The following GPC3 variants were observed in gnomAD, a reference collection of about 807,000 sequenced individuals.
GPC3 encodes glypican 3.
GPC3 carries 3 observed loss-of-function variants against 34.4 expected under a neutral mutation model. The observed-to-expected ratio is 0.09, with a 90% CI of 0.04 to 0.23. The LOEUF (loss-of-function observed/expected upper bound fraction) is 0.23. Ranked by LOEUF, GPC3 falls within the 10% of genes least tolerant of loss-of-function variation. The pLI, the probability that GPC3 is intolerant of heterozygous loss-of-function variation, is 1.00. For missense variants in GPC3, 351 were observed against 445.6 expected (o/e 0.79, Z 1.91); for synonymous variants, 177 against 174.0 (o/e 1.02, Z -0.13).
intron 6 of GPC3, among the ~76,000 whole-genome samples, chrX:133,598,156 C>T (rs956998820): frequency 9.0e-6 from 1 of 111,226 alleles, no homozygotes; most frequent in African/African-American, 3.3e-5. Flanking sequence ...GTGACATAAA[C>T]ATTTCTTTTT....
chrX:133,872,781 C>A (rs927213785), intron 2 of GPC3, among the ~76,000 whole-genome samples: 6 of 111,855 alleles, frequency 5.4e-5, no homozygotes, highest in African/African-American at 1.9e-4. Flanking sequence ...CTGATTCCTG[C>A]AGTCTCAGGC....
In GPC3 at chrX:133,753,751, T is replaced by G. The variant is rs746527435; in HGVS notation, c.763A>C (p.Met255Leu). The G allele has an allele frequency of 8.3e-7, 1 of 1,211,684 alleles. No homozygotes were observed. The highest frequency in any genetic ancestry group is 1.1e-6 in the Non-Finnish European group (1 of 895,313). ...HLKFSKDCGR[M>L]LTRMWYCSYC... ...GAGCAGTACCACATTCTGGTGAGCA[T>G]TCGGCCACAGTCCTTACTGAACTTC... The change falls in exon 3 of 8, where the codon ATG becomes CTG. Residue 255 changes from methionine to leucine, a missense_variant. Transcript: ENST00000370818.
In GPC3 at chrX:133,629,289, G is replaced by A. The variant is rs2070340846; in HGVS notation, c.1413+32441C>T. Among the ~76,000 whole-genome samples, 4 of 111,888 alleles carry A rather than the reference G, an allele frequency of 3.6e-5. No homozygotes were observed. In the South Asian group the frequency reaches 1.5e-3, roughly 42 times the overall value. The stretch of plus-strand genomic sequence containing the variant: ...CACTCTTTGAGTATTGGGGGAAATC[G>A]CTCCACCTCTCTGCTCCTTGGTTTC... On this transcript the variant is annotated intron_variant, in intron 6 of 7. Coordinates refer to ENST00000370818, the MANE Select transcript of GPC3 (RefSeq NM_004484.4).
chrX:133,823,273 G>A (rs1210794567), intron 2 of GPC3, among the ~76,000 whole-genome samples: 2 of 106,729 alleles, frequency 1.9e-5, no homozygotes, highest in African/African-American at 6.8e-5. Flanking sequence ...CATTATTAAA[G>A]TGATGACAAA....
chrX:133,787,318 G>A (rs2072110979), intron 2 of GPC3, among the ~76,000 whole-genome samples: 1 of 112,349 alleles, frequency 8.9e-6, no homozygotes, highest in Non-Finnish European at 1.9e-5. Flanking sequence ...ATTAGCAACA[G>A]CCATCTAAAG....
intron 2 of GPC3, among the ~76,000 whole-genome samples, chrX:133,847,308 TA>T (rs1432188585): frequency 1.8e-5 from 2 of 110,838 alleles, no homozygotes; most frequent in Admixed American, 9.6e-5. Flanking sequence ...GATATCTTTT[TA>T]AAAAAAAATG....
chrX:133,833,587 T>C (rs927562485), intron 2 of GPC3, among the ~76,000 whole-genome samples: 1 of 111,296 alleles, frequency 9.0e-6, no homozygotes, highest in Non-Finnish European at 1.9e-5. Flanking sequence ...CAGTCTAGTA[T>C]GGGAGGGAGA....
rs1285974284 is a variant in GPC3, at chrX:133,535,940, T to C, written c.*184A>G. 7 of 431,802 alleles carry C rather than the reference T, an allele frequency of 1.6e-5. No homozygotes were observed. Among genetic ancestry groups the C allele is most frequent in the Non-Finnish European group, 2.4e-5 (6 of 250,077 alleles). The allele number at this position is 431,802 out of a possible 1,213,427, so 35.6% of individuals were successfully genotyped here. On this transcript the variant is annotated 3_prime_UTR_variant, in exon 8 of 8. Coordinates refer to ENST00000370818, the MANE Select transcript of GPC3 (RefSeq NM_004484.4). ...CTATATGCTACCACTAAAATGTATC[T>C]TCCTCCAAAAGATACCATTTGATTT... is the stretch of plus-strand genomic sequence containing the variant.
At chrX:133,681,928 C>T (rs1322283681) in intron 5 of GPC3, among the ~76,000 whole-genome samples, 1 of 112,135 alleles carries the variant, frequency 8.9e-6, no homozygotes, top group Non-Finnish European at 1.9e-5. Flanking sequence ...ACCAGGGAAA[C>T]GTCAGGACAC....
chrX:133,611,171 C>G, intron 6 of GPC3, among the ~76,000 whole-genome samples: 1 of 107,075 alleles, frequency 9.3e-6, no homozygotes, highest in Non-Finnish European at 1.9e-5. Context: ...CCAAACCTTG[C>G]CAAATAACAG....
intron 7 of GPC3, among the ~76,000 whole-genome samples, chrX:133,577,434 T>G (rs775590323): frequency 4.5e-5 from 5 of 112,032 alleles, no homozygotes; most frequent in Admixed American, 9.5e-5. Context: ...GGTTAATCGT[T>G]AGAAAAAACA....
Position 133,955,050 on chromosome X carries a change from T to C in GPC3, c.176-1839A>G, listed in dbSNP as rs545331091. On this transcript the variant is annotated intron_variant, in intron 1 of 7. Coordinates refer to ENST00000370818, the MANE Select transcript of GPC3 (RefSeq NM_004484.4). Reference sequence around the variant, plus strand: ...AGGCATGAGCCACTGCCAGACTCTTTCTCCAATTAGCATTTGTTGATCTCC... The same window carrying C: ...AGGCATGAGCCACTGCCAGACTCTTCCTCCAATTAGCATTTGTTGATCTCC... 2.7e-5 allele frequency among the ~76,000 whole-genome samples: 3 copies of C among 111,114 alleles called. No individual in the cohort carries two copies. The South Asian group carries it at 1.2e-3, about 43-fold the overall frequency.
chrX:133,941,046 A>C (rs898710974), intron 2 of GPC3, among the ~76,000 whole-genome samples: 5 of 112,553 alleles, frequency 4.4e-5, no homozygotes, highest in Non-Finnish European at 1.9e-5. Flanking sequence ...ATTGCTAGAA[A>C]GAGTACTGTT....
chrX:133,808,879 A>G (rs1255586064), intron 2 of GPC3, among the ~76,000 whole-genome samples: 1 of 112,403 alleles, frequency 8.9e-6, no homozygotes, highest in African/African-American at 3.2e-5. Context: ...CACACATAAT[A>G]AAAAGACAGT....
chrX:133,554,988 G>A (rs1207803646), intron 7 of GPC3, among the ~76,000 whole-genome samples: 1 of 112,491 alleles, frequency 8.9e-6, no homozygotes, highest in African/African-American at 3.2e-5. Context: ...GGGCTCATAT[G>A]ATCCTCCTGC....
At chrX:133,565,337 T>C (rs1429767453) in intron 7 of GPC3, among the ~76,000 whole-genome samples, 1 of 111,958 alleles carries the variant, frequency 8.9e-6, no homozygotes, top group Non-Finnish European at 1.9e-5. Flanking sequence ...GTCACTTCTC[T>C]GCTCAAAAGT....
chrX:133,827,380 TTACA>T (rs1168970109), intron 2 of GPC3, among the ~76,000 whole-genome samples: 10 of 112,224 alleles, frequency 8.9e-5, no homozygotes, highest in African/African-American at 3.2e-4. Context: ...TTAAAAACAA[TTACA>T]TACAGCAAAA....
At chrX:133,859,006 G>A (rs1003833974) in intron 2 of GPC3, among the ~76,000 whole-genome samples, 4 of 107,525 alleles carry the variant, frequency 3.7e-5, no homozygotes, top group Admixed American at 9.9e-5. Flanking sequence ...GCGTGAACCC[G>A]GGAAGCGGAG....
At chrX:133,833,444 G>T (rs1251235277) in intron 2 of GPC3, among the ~76,000 whole-genome samples, 1 of 111,681 alleles carries the variant, frequency 9.0e-6, no homozygotes, top group Non-Finnish European at 1.9e-5. Context: ...AAAATCGAGA[G>T]AAGAGTATAT....
Sources: gnomAD v4.1 joint callset for allele counts (sites outside exome capture counted in the v4.1 genomes callset) on GRCh38, gnomAD v4.1.1 for gene constraint, MANE v1.5 for transcripts, NCBI Gene and HGNC (gene_info 2026-07-23, HGNC 2026-07-21) for gene names.